ETV1: variants seen among roughly 807,000 people sequenced by gnomAD.
The protein encoded by ETV1 is ETS variant transcription factor 1.
Under a neutral mutation model 62.3 loss-of-function variants are expected in ETV1, and 27 were observed. The ratio of observed to expected loss-of-function variants is 0.43; its 90% CI spans 0.32 to 0.60. The LOEUF (loss-of-function observed/expected upper bound fraction) is 0.60, where lower values mean the gene tolerates loss of function less well. Among genes scored for constraint, ETV1 ranks in the 20% least tolerant of loss-of-function variants. The pLI, the probability that ETV1 is intolerant of heterozygous loss-of-function variation, is 0.06. For synonymous variants in ETV1, 222 were observed against 199.6 expected, an observed-to-expected ratio of 1.11 and a Z score of -0.94; for missense variants, 605 against 605.8, an observed-to-expected ratio of 1.00 and a Z score of 0.01.
chr7:13,932,844 C>T (rs539582889), intron 8 of ETV1, among the ~76,000 whole-genome samples: 5 of 152,044 alleles, frequency 3.3e-5, no homozygotes, highest in Admixed American at 6.6e-5. Context: ...CATTTAATTT[C>T]GGTAATGTTA....
intron 11 of ETV1, among the ~76,000 whole-genome samples, chr7:13,908,527 G>A (rs568638835): frequency 2.0e-5 from 3 of 152,138 alleles, no homozygotes; most frequent in South Asian, 4.2e-4. Flanking sequence ...TCACCCCTCT[G>A]AAATGCAAAG....
intron 9 of ETV1, among the ~76,000 whole-genome samples, chr7:13,918,916 C>T (rs1043527100): frequency 1.3e-5 from 2 of 150,140 alleles, no homozygotes; most frequent in Non-Finnish European, 3.0e-5. Flanking sequence ...GTTTCTCTTG[C>T]TGGACTAGCA....
intron 6 of ETV1, among the ~76,000 whole-genome samples, chr7:13,945,863 G>T (rs1223034011): frequency 6.6e-6 from 1 of 152,118 alleles, no homozygotes; most frequent in Non-Finnish European, 1.5e-5. Context: ...CATGTAAAAG[G>T]CTGTTAAGTA....
At chr7:13,987,912 A>AG (rs1562725742) in intron 4 of ETV1, among the ~76,000 whole-genome samples, 174 bp downstream of exon 4, 1 of 152,198 alleles carries the variant, frequency 6.6e-6, no homozygotes, top group Non-Finnish European at 1.5e-5. Context: ...ACCATAAAAT[A>AG]GTCTCCCATG....
At chr7:13,946,434 A>G (rs1283161216) in intron 6 of ETV1, among the ~76,000 whole-genome samples, 1 of 152,204 alleles carries the variant, frequency 6.6e-6, no homozygotes, top group African/African-American at 2.4e-5. Flanking sequence ...CAAGACTTTA[A>G]AAAATGCACT....
intron 9 of ETV1, 76 bp from the exon 10 acceptor site, chr7:13,911,383 C>G (rs1270688615): frequency 3.1e-6 from 3 of 967,816 alleles, no homozygotes; most frequent in African/African-American, 1.6e-5. Flanking sequence ...AGGGTGCAGA[C>G]AGAGAAGATA....
In ETV1 at chr7:13,896,605, G is replaced by A. The variant is rs149719298; in HGVS notation, c.1213-518C>T. On this transcript the variant is annotated intron_variant, in intron 13 of 13. Transcript: ENST00000430479. Reference sequence around the variant, plus strand: ...TAGACTAGTAATTCACTGATTCACAGAATAAATGGATTCTTTACTTTTTTT... The same window carrying A: ...TAGACTAGTAATTCACTGATTCACAAAATAAATGGATTCTTTACTTTTTTT... Among the ~76,000 whole-genome samples the A allele has an allele frequency of 2.4e-3, 355 of 148,330 alleles. 2 individuals carry two copies. The highest frequency in any genetic ancestry group is 0.015 in the South Asian group (72 of 4,646).
chr7:13,986,092 AT>A, intron 5 of ETV1: 1 of 1,530,464 alleles, frequency 6.5e-7, no homozygotes, highest in Non-Finnish European at 8.9e-7. Flanking sequence ...AAACCCATAG[AT>A]TTCCTAAGCA....
intron 6 of ETV1, among the ~76,000 whole-genome samples, chr7:13,970,277 C>A (rs1393209933): frequency 4.2e-4 from 9 of 21,306 alleles, no homozygotes; most frequent in African/African-American, 1.1e-3. Context: ...CACACACACA[C>A]ACACACACAC....
At chr7:13,921,078 A>C (rs1382220349) in intron 9 of ETV1, among the ~76,000 whole-genome samples, 1 of 152,218 alleles carries the variant, frequency 6.6e-6, no homozygotes, top group African/African-American at 2.4e-5. Flanking sequence ...CTGAAAGTTC[A>C]ATAGCTCATT....
At chr7:13,951,624 T>A (rs763889599) in intron 6 of ETV1, among the ~76,000 whole-genome samples, 1 of 152,216 alleles carries the variant, frequency 6.6e-6, no homozygotes, top group Non-Finnish European at 1.5e-5. Context: ...GTTACGAACA[T>A]GGAGACTAAA....
chr7:13,926,948 A>G (rs1562627303), intron 9 of ETV1, among the ~76,000 whole-genome samples: 1 of 152,144 alleles, frequency 6.6e-6, no homozygotes, highest in Non-Finnish European at 1.5e-5. Flanking sequence ...TCCTGTAATT[A>G]TAATTATAAC....
At chr7:13,975,704 A>G (rs1439743526) in intron 6 of ETV1, among the ~76,000 whole-genome samples, 1 of 151,644 alleles carries the variant, frequency 6.6e-6, no homozygotes, top group Non-Finnish European at 1.5e-5. Flanking sequence ...GTAAAAAACA[A>G]AAAAAAATAA....
intron 6 of ETV1, among the ~76,000 whole-genome samples, chr7:13,973,982 A>G (rs909818408): frequency 1.3e-5 from 2 of 152,212 alleles, no homozygotes; most frequent in African/African-American, 4.8e-5. Context: ...TTGTTCTCCT[A>G]TAACATGTAA....
intron 6 of ETV1, among the ~76,000 whole-genome samples, chr7:13,948,891 C>T (rs994523293): frequency 8.5e-5 from 13 of 152,098 alleles, no homozygotes; most frequent in Non-Finnish European, 1.8e-4. Context: ...TACTCTGTCT[C>T]TCAAAACCAA....
chr7:13,933,491 G>C (rs1383514181), intron 8 of ETV1, among the ~76,000 whole-genome samples: 1 of 152,200 alleles, frequency 6.6e-6, no homozygotes, highest in East Asian at 1.9e-4. Flanking sequence ...CTGCACAGTG[G>C]GTTCAGGAAA....
rs764185980 is a variant in ETV1, at chr7:13,988,709, C to G, written c.45+299G>C. The G allele has an allele frequency of 3.7e-6, 6 of 1,612,630 alleles. No individual in the cohort carries two copies. The East Asian group carries it at 1.1e-4, about 30-fold the overall frequency. ...TTCTTTTCAATGTGGCAGACAAACC[C>G]AGCCAAAAACTTTGAGTGCAGCAGC... On this transcript the variant is annotated intron_variant, in intron 3 of 13. Coordinates refer to ENST00000430479, the MANE Select transcript of ETV1 (RefSeq NM_004956.5).
At chr7:13,965,301 T>C (rs1008552712) in intron 6 of ETV1, among the ~76,000 whole-genome samples, 3 of 152,226 alleles carry the variant, frequency 2.0e-5, no homozygotes, top group African/African-American at 7.2e-5. Flanking sequence ...TCTATTTTTC[T>C]CACAGCTATT....
chr7:13,909,328 A>T (rs1261265075), intron 11 of ETV1, among the ~76,000 whole-genome samples: 1 of 152,118 alleles, frequency 6.6e-6, no homozygotes, highest in Non-Finnish European at 1.5e-5. Context: ...ATCTCGAATA[A>T]CAAGCTGCAT....
Sources: allele counts gnomAD v4.1 joint callset (sites outside exome capture counted in the v4.1 genomes callset), GRCh38; gene constraint gnomAD v4.1.1; transcripts MANE v1.5; gene names NCBI Gene and HGNC (gene_info 2026-07-23, HGNC 2026-07-21).